Variants in ADAM17 observed in about 807,000 individuals in gnomAD.
ADAM17 encodes the protein ADAM metallopeptidase domain 17.
A neutral mutation model predicts 96.7 loss-of-function variants in ADAM17; 39 were observed. The ratio of observed to expected loss-of-function variants is 0.40; its 90% confidence interval spans 0.31 to 0.53. The LOEUF (loss-of-function observed/expected upper bound fraction) is 0.53. ADAM17 is among the 20% of genes least tolerant of loss of function. ADAM17 has a pLI of 0.44. For synonymous variants in ADAM17, 344 were observed against 359.2 expected, an observed-to-expected ratio of 0.96 and a Z score of 0.48; for missense variants, 777 against 1,013.2, an observed-to-expected ratio of 0.77 and a Z score of 3.17.
Position 9,518,393 on chromosome 2 carries a change from G to A in ADAM17, c.958-146C>T, listed in dbSNP as rs371028039. ...GCTCAGCACCAGCAATCACAACCTC[G>A]TGCAGTGCTTTGCTCTTTCCCTAAA... On this transcript the variant is annotated intron_variant, in intron 8 of 18. Transcript: ENST00000310823. The A allele has an allele frequency of 9.8e-5, 101 of 1,032,256 alleles. 2 individuals are homozygous for A. In the South Asian group the frequency reaches 1.7e-3, roughly 18 times the overall value. 63.9% of individuals were successfully genotyped at this position (1,032,256 alleles called of 1,614,324 possible).
At chr2:9,514,016 A>AG (rs1461340465) in intron 10 of ADAM17, among the ~76,000 whole-genome samples, 1 of 151,698 alleles carries the variant, frequency 6.6e-6, no homozygotes, top group East Asian at 1.9e-4. Flanking sequence ...ATCTCAAAAA[A>AG]AAAAAAAAGA....
chr2:9,522,201 C>G, intron 7 of ADAM17: 1 of 380,444 alleles, frequency 2.6e-6, no homozygotes, highest in Non-Finnish European at 4.7e-6. Flanking sequence ...ATGAAGTACT[C>G]TCCAACATAC....
At chr2:9,494,494 A>G (rs189980707) in intron 15 of ADAM17, 143 bp downstream of exon 15, 2 of 938,068 alleles carry the variant, frequency 2.1e-6, no homozygotes, top group Non-Finnish European at 3.1e-6. Context: ...TTCTCCTCCT[A>G]AGTAATACCC....
chr2:9,539,865 A>C (rs1433605342), intron 2 of ADAM17, among the ~76,000 whole-genome samples: 1 of 152,238 alleles, frequency 6.6e-6, no homozygotes, highest in Non-Finnish European at 1.5e-5. Context: ...AATGGAAATA[A>C]TATCACCTAA....
chr2:9,523,463 C>T (rs548275642), intron 6 of ADAM17, 125 bp from the exon 7 acceptor site: 8 of 750,154 alleles, frequency 1.1e-5, no homozygotes, highest in Admixed American at 2.9e-5. Context: ...TTTCTACTTT[C>T]GCAAAAACTA....
intron 11 of ADAM17, 112 bp from the exon 12 acceptor site, chr2:9,505,477 G>T: frequency 2.6e-6 from 3 of 1,137,580 alleles, no homozygotes; most frequent in African/African-American, 1.5e-5. Context: ...CACCATCAGA[G>T]CCACCCTGGA....
At position 9,499,638 on chromosome 2, in the gene ADAM17, G is replaced by A. The variant is rs866006721; in HGVS notation, c.1649-2390C>T. Among the ~76,000 whole-genome samples, 6 of 152,200 alleles carry A rather than the reference G, an allele frequency of 3.9e-5. No homozygotes were observed. In the South Asian group the frequency reaches 8.3e-4, roughly 21 times the overall value. On this transcript the variant is annotated intron_variant, in intron 13 of 18. Transcript: ENST00000310823. ...AGGATGGTCTCGATCTCCTGATCTC[G>A]TGATCTGCCCACCTCGGCCTCCCAA...
intron 6 of ADAM17, among the ~76,000 whole-genome samples, chr2:9,523,717 C>G (rs1664404903): frequency 6.6e-6 from 1 of 152,162 alleles, no homozygotes; most frequent in African/African-American, 2.4e-5. Context: ...ATTTGAACTT[C>G]AAGTGTCCAC....
At chr2:9,513,284 G>A (rs753940516) in intron 10 of ADAM17, among the ~76,000 whole-genome samples, 16 of 152,248 alleles carry the variant, frequency 1.1e-4, no homozygotes, top group East Asian at 5.8e-4. Context: ...GTGAGCCACC[G>A]CACCCAGCTT....
chr2:9,514,728 C>T (rs1663971315), intron 10 of ADAM17, among the ~76,000 whole-genome samples: 1 of 151,022 alleles, frequency 6.6e-6, no homozygotes, highest in Non-Finnish European at 1.5e-5. Context: ...AAAAAATTAG[C>T]CGGGCGTGGT....
intron 16 of ADAM17, 27 bp downstream of exon 16, chr2:9,493,720 A>C (rs1488455814): frequency 1.3e-6 from 2 of 1,593,248 alleles, no homozygotes; most frequent in East Asian, 2.2e-5. Flanking sequence ...CTCAGCTCTC[A>C]GTAAGTAATC....
chr2:9,496,138 T>C (rs2124972568), intron 14 of ADAM17, among the ~76,000 whole-genome samples: 1 of 152,194 alleles, frequency 6.6e-6, no homozygotes, highest in African/African-American at 2.4e-5. Context: ...CTTATTTATT[T>C]ATTTATTTGA....
chr2:9,494,252 C>T (rs12475630), intron 15 of ADAM17, among the ~76,000 whole-genome samples: 34,856 of 152,156 alleles, frequency 0.23, 4,757 homozygotes, highest in Middle Eastern at 0.32. Flanking sequence ...GTAAGTCAAG[C>T]AGCCTTCTAG....
intron 8 of ADAM17, 133 bp downstream of exon 8, chr2:9,521,070 G>T: frequency 1.6e-6 from 1 of 609,036 alleles, no homozygotes; most frequent in Admixed American, 2.8e-5. Context: ...TGGGGTTACT[G>T]CTGGATCAGC....
chr2:9,530,752 C>T (rs1664703486), intron 4 of ADAM17, among the ~76,000 whole-genome samples: 1 of 151,996 alleles, frequency 6.6e-6, no homozygotes, highest in Non-Finnish European at 1.5e-5. Context: ...GAAAAGAGTG[C>T]CTTTATTCCT....
chr2:9,538,731 C>T (rs1280302490), intron 2 of ADAM17, among the ~76,000 whole-genome samples: 1 of 152,126 alleles, frequency 6.6e-6, no homozygotes, highest in Non-Finnish European at 1.5e-5. Context: ...CCAATATTAG[C>T]TTTTGAGTTA....
chr2:9,542,626 G>T lies in ADAM17; in HGVS notation c.230+527C>A, dbSNP rs150353059. On this transcript the variant is annotated intron_variant, in intron 2 of 18. Coordinates refer to ENST00000310823, the MANE Select transcript of ADAM17 (RefSeq NM_003183.6). ...ATTATGTTAGAATTTTCTAAACATCGTTACCATCATTAACACCTCTGCAAT... is the reference window on the plus strand; with the variant it reads ...ATTATGTTAGAATTTTCTAAACATCTTTACCATCATTAACACCTCTGCAAT... Among the ~76,000 whole-genome samples, 50 of 149,634 alleles carry T rather than the reference G, an allele frequency of 3.3e-4. No homozygotes were observed. In the East Asian group the frequency reaches 7.9e-3, roughly 24 times the overall value.
At chr2:9,542,366 C>T (rs770547732) in intron 2 of ADAM17, among the ~76,000 whole-genome samples, 1 of 152,040 alleles carries the variant, frequency 6.6e-6, no homozygotes, top group Non-Finnish European at 1.5e-5. Context: ...ATGGCAAGAC[C>T]CTGTTTTTAA....
chr2:9,526,741 A>G (rs1321374700), intron 5 of ADAM17, among the ~76,000 whole-genome samples: 1 of 152,142 alleles, frequency 6.6e-6, no homozygotes, highest in Non-Finnish European at 1.5e-5. Context: ...GGTTGCAGTG[A>G]GCCAAGATTG....
Sources: gnomAD v4.1 joint callset for allele counts (sites outside exome capture counted in the v4.1 genomes callset) on GRCh38, gnomAD v4.1.1 for gene constraint, MANE v1.5 for transcripts, NCBI Gene and HGNC (gene_info 2026-07-23, HGNC 2026-07-21) for gene names.